NEMP1: variants seen among roughly 807,000 people sequenced by gnomAD.
The protein encoded by NEMP1 is nuclear envelope integral membrane protein 1.
NEMP1 carries 29 observed loss-of-function variants against 53.7 expected under a neutral mutation model. That is an observed-to-expected ratio of 0.54 (90% CI 0.40 to 0.74). The LOEUF (loss-of-function observed/expected upper bound fraction) is 0.74. NEMP1 is among the 30% of genes least tolerant of loss of function. The probability of loss-of-function intolerance (pLI) is 0.00; values close to 1 mark genes in which losing one functional copy is unlikely to be tolerated. For synonymous variants in NEMP1, 193 were observed against 192.9 expected (o/e 1.00, Z 0.00); for missense variants, 477 against 528.6 (o/e 0.90, Z 0.96).
chr12:57,068,019 C>T (rs1445979560), intron 4 of NEMP1, among the ~76,000 whole-genome samples: 1 of 152,140 alleles, frequency 6.6e-6, no homozygotes, highest in Admixed American at 6.5e-5. Flanking sequence ...TATCCTCCCC[C>T]TTCAGCCTCC....
At chr12:57,083,528 T>C (rs1228115654), upstream of NEMP1, among the ~76,000 whole-genome samples, 5 of 152,330 alleles carry the variant, frequency 3.3e-5, no homozygotes, top group South Asian at 6.2e-4. Context: ...TCAAAATTTT[T>C]TGGATTTTTG....
At chr12:57,060,687 C>T in intron 8 of NEMP1, 85 bp downstream of exon 8, 1 of 1,403,256 alleles carries the variant, frequency 7.1e-7, no homozygotes, top group Non-Finnish European at 9.7e-7. Context: ...GTCACAAGTG[C>T]ACGATTCTCT....
intron 3 of NEMP1, among the ~76,000 whole-genome samples, chr12:57,069,570 G>T (rs1052042689): frequency 6.6e-6 from 1 of 152,074 alleles, no homozygotes; most frequent in East Asian, 1.9e-4. Context: ...CTTCGTTTTG[G>T]ACAAAGCTAG....
intron 2 of NEMP1, among the ~76,000 whole-genome samples, chr12:57,071,768 G>A (rs1297743943): frequency 1.3e-5 from 2 of 151,746 alleles, no homozygotes; most frequent in African/African-American, 4.8e-5. Flanking sequence ...GAGGTTGCAG[G>A]GAGCCGAGGT....
intron 8 of NEMP1, 135 bp from the exon 9 acceptor site, chr12:57,060,194 T>C: frequency 2.5e-6 from 2 of 806,434 alleles, no homozygotes; most frequent in Non-Finnish European, 3.8e-6. Context: ...ATCCTTGTCC[T>C]TACTCTGGCA....
At chr12:57,070,506 TA>T (rs1259121657) in intron 3 of NEMP1, among the ~76,000 whole-genome samples, 167 bp downstream of exon 3, 1 of 152,220 alleles carries the variant, frequency 6.6e-6, no homozygotes, top group Non-Finnish European at 1.5e-5. Flanking sequence ...GCCTGTCTGA[TA>T]GGGGTGAAGT....
At chr12:57,075,809 T>C (rs915424433) in intron 1 of NEMP1, among the ~76,000 whole-genome samples, 1 of 129,562 alleles carries the variant, frequency 7.7e-6, no homozygotes, top group African/African-American at 3.0e-5. Flanking sequence ...CTACTAAAAA[T>C]ACAAAAAAAT....
At position 57,057,726 on chromosome 12, in the gene NEMP1, G is replaced by A. The variant is rs181128368; in HGVS notation, c.*2153C>T. ...GTGGAAAAAAAACTGGTCTAGAGAT[G>A]GAAACTATATTTCATGGGGGTTTAT... On this transcript the variant is annotated 3_prime_UTR_variant, in exon 9 of 9. Transcript: ENST00000300128. 1 of 152,276 alleles carries A rather than the reference G, an allele frequency of 6.6e-6. No individual in the cohort carries two copies. The highest frequency in any genetic ancestry group is 6.5e-5 in the Admixed American group (1 of 15,308). The allele number at this position is 152,276 out of a possible 1,614,324, so 9.4% of individuals were successfully genotyped here. A position where few individuals can be genotyped will look rare whatever the true frequency, so the allele number is the denominator to read the frequency against.
At chr12:57,074,840 C>A (rs377475607) in intron 1 of NEMP1, among the ~76,000 whole-genome samples, 16 of 152,288 alleles carry the variant, frequency 1.1e-4, no homozygotes, top group African/African-American at 3.8e-4. Flanking sequence ...GAAATCCCAG[C>A]ACTTGGGGAG....
upstream of NEMP1, among the ~76,000 whole-genome samples, chr12:57,081,985 A>G (rs1208232161): frequency 3.4e-5 from 5 of 148,932 alleles, no homozygotes; most frequent in Admixed American, 6.7e-5. Flanking sequence ...TTGGGAGGCC[A>G]AGGCGGGCGA....
chr12:57,070,800 A>G lies in NEMP1; in HGVS notation c.346T>C (p.Phe116Leu). Residue 116 changes from phenylalanine to leucine, a missense_variant, in exon 3 of 9, where the codon TTT becomes CTT. By Grantham distance (22) the Phe-to-Leu change is conservative. Transcript: ENST00000300128. Reference protein sequence around the residue: ...ELEQFSIWNFFSSFLKEKLND... With the variant: ...ELEQFSIWNFLSSFLKEKLND... Reference sequence around the variant, plus strand: ...AATTTCTCTTTTAAAAAGGAGGAAAAAAAGTTCCAGATACTAAACTGCTCT... The same window carrying G: ...AATTTCTCTTTTAAAAAGGAGGAAAGAAAGTTCCAGATACTAAACTGCTCT... 3.1e-6 allele frequency: 5 copies of G among 1,613,920 alleles called. No individual in the cohort carries two copies. The highest frequency in any genetic ancestry group is 1.1e-5 in the South Asian group (1 of 91,030).
At chr12:57,072,439 CAAAAAAT>C (rs1254414395) in intron 2 of NEMP1, among the ~76,000 whole-genome samples, 2 of 150,944 alleles carry the variant, frequency 1.3e-5, no homozygotes, top group Non-Finnish European at 2.9e-5. Flanking sequence ...GACTCTGCCT[CAAAAAAT>C]AAAAAATAAA....
rs1187581615 is a variant in NEMP1, at chr12:57,062,444, T to C, written c.980+675A>G. Among the ~76,000 whole-genome samples the C allele has an allele frequency of 4.4e-4, 62 of 140,120 alleles. No homozygotes were observed. In the East Asian group the frequency reaches 5.2e-3, roughly 12 times the overall value. 91.9% of individuals were successfully genotyped at this position (140,120 alleles called of 152,430 possible). A position where few individuals can be genotyped will look rare whatever the true frequency, so the allele number is the denominator to read the frequency against. On this transcript the variant is annotated intron_variant, in intron 7 of 8. Transcript: ENST00000300128. ...GCAGTGAGCCGAGATCACGCCATTG[T>C]GCTCCAGCCTGGGTGACAGAGAGAG... is the stretch of plus-strand genomic sequence containing the variant.
At chr12:57,061,052 TAA>T (rs2031775656) in intron 7 of NEMP1, 107 bp from the exon 8 acceptor site, 2 of 1,145,912 alleles carry the variant, frequency 1.7e-6, no homozygotes, top group Non-Finnish European at 2.4e-6. Context: ...GCCTGAACAT[TAA>T]GAGTCATCAC....
chr12:57,063,053 T>G, intron 7 of NEMP1, 66 bp downstream of exon 7: 1 of 1,285,382 alleles, frequency 7.8e-7, no homozygotes, highest in Non-Finnish European at 1.1e-6. Flanking sequence ...CACCTCTGTA[T>G]CCTCTTGCTG....
At chr12:57,082,650 T>C (rs548843674), upstream of NEMP1, among the ~76,000 whole-genome samples, 106 of 152,208 alleles carry the variant, frequency 7.0e-4, no homozygotes, top group African/African-American at 2.6e-3. Flanking sequence ...AGGTTGAGCC[T>C]GCAGTGAGCC....
chr12:57,059,867 A>G lies in NEMP1; in HGVS notation c.*12T>C, dbSNP rs767906482. 35 of 1,611,386 alleles carry G rather than the reference A, an allele frequency of 2.2e-5. No individual in the cohort carries two copies. The highest frequency in any genetic ancestry group is 2.9e-5 in the Non-Finnish European group (34 of 1,178,802). Reference sequence around the variant, plus strand: ...CACCAAGCCAGTCCACGTAAAGATAACTGACCACTACCTAGGTTAGAAAGT... The same window carrying G: ...CACCAAGCCAGTCCACGTAAAGATAGCTGACCACTACCTAGGTTAGAAAGT... On this transcript the variant is annotated 3_prime_UTR_variant, in exon 9 of 9. Transcript: ENST00000300128.
chr12:57,059,805 G>A lies in NEMP1; in HGVS notation c.*74C>T. ...CTATCTCACTCTGTTTCAAAGGGTT[G>A]AAAGCAATTGCACAACACATGCAAC... is the stretch of plus-strand genomic sequence containing the variant. On this transcript the variant is annotated 3_prime_UTR_variant, in exon 9 of 9. Coordinates refer to ENST00000300128, the MANE Select transcript of NEMP1 (RefSeq NM_001130963.2). 1 of 1,363,148 alleles carries A rather than the reference G, an allele frequency of 7.3e-7. No homozygotes were observed. The allele number at this position is 1,363,148 out of a possible 1,614,324, so 84.4% of individuals were successfully genotyped here.
chr12:57,071,948 C>T (rs1040137845), intron 2 of NEMP1, among the ~76,000 whole-genome samples: 1 of 152,210 alleles, frequency 6.6e-6, no homozygotes, highest in Non-Finnish European at 1.5e-5. Context: ...TGTACAATCA[C>T]TGTTACAGCC....
Sources: gnomAD v4.1 joint callset for allele counts (sites outside exome capture counted in the v4.1 genomes callset) on GRCh38, gnomAD v4.1.1 for gene constraint, MANE v1.5 for transcripts, NCBI Gene and HGNC (gene_info 2026-07-23, HGNC 2026-07-21) for gene names.